Variants in TWSG1 observed in about 807,000 individuals in gnomAD.
TWSG1 encodes twisted gastrulation BMP signaling modulator 1.
In TWSG1, 15 loss-of-function variants were observed where a neutral mutation model predicts 23.0. The ratio of observed to expected loss-of-function variants is 0.65; its 90% CI spans 0.44 to 1.00. TWSG1 has a LOEUF of 1.00. Among genes scored for constraint, TWSG1 ranks in the 50% least tolerant of loss-of-function variants. TWSG1 has a pLI of 0.00. For missense variants in TWSG1, 242 were observed against 278.7 expected (o/e 0.87, Z 0.94); for synonymous variants, 86 against 92.8 (o/e 0.93, Z 0.42).
intron 3 of TWSG1, among the ~76,000 whole-genome samples, chr18:9,378,260 G>C (rs1477668123): frequency 6.6e-6 from 1 of 152,114 alleles, no homozygotes; most frequent in African/African-American, 2.4e-5. Flanking sequence ...GGAAGTCCTG[G>C]CCAGAGCAAT....
chr18:9,397,405 T>G (rs979412081), intron 4 of TWSG1, among the ~76,000 whole-genome samples: 3 of 152,228 alleles, frequency 2.0e-5, no homozygotes, highest in Non-Finnish European at 4.4e-5. Flanking sequence ...TCTCTGCAAA[T>G]GGGTGCTGTT....
rs1247762592 is a variant in TWSG1, at chr18:9,401,230, A to C, written c.*1703A>C. ...TTTTACCTAGAATGCCTCATTTAAA[A>C]GTGCCTTGAAAACATTTAGCTCCCC... On this transcript the variant is annotated 3_prime_UTR_variant, in exon 5 of 5. Transcript: ENST00000262120. 1 of 152,162 alleles carries C rather than the reference A, an allele frequency of 6.6e-6. No individual in the cohort carries two copies. The highest frequency in any genetic ancestry group is 1.5e-5 in the Non-Finnish European group (1 of 68,046). The allele number at this position is 152,162 out of a possible 1,614,324, so 9.4% of individuals were successfully genotyped here.
chr18:9,397,722 C>T (rs927440652), intron 4 of TWSG1, among the ~76,000 whole-genome samples: 1 of 152,034 alleles, frequency 6.6e-6, no homozygotes. Flanking sequence ...TAAAACAGTG[C>T]GGGCTGGGTG....
intron 3 of TWSG1, among the ~76,000 whole-genome samples, chr18:9,391,208 A>G (rs780604001): frequency 6.6e-6 from 1 of 152,246 alleles, no homozygotes; most frequent in Admixed American, 6.5e-5. Context: ...TTCAAGTTTT[A>G]TAATGAGATT....
chr18:9,337,061 A>G (rs2040426452), intron 1 of TWSG1, 132 bp from the exon 2 acceptor site: 2 of 749,378 alleles, frequency 2.7e-6, no homozygotes, highest in African/African-American at 3.5e-5. Flanking sequence ...GCAACAGAGC[A>G]AGACTCTAAA....
intron 2 of TWSG1, among the ~76,000 whole-genome samples, chr18:9,342,195 T>C (rs1357393371): frequency 6.6e-6 from 1 of 152,230 alleles, no homozygotes; most frequent in Non-Finnish European, 1.5e-5. Context: ...TGGATCCAGT[T>C]CTGCCACTTA....
chr18:9,396,519 G>A lies in TWSG1; in HGVS notation c.463G>A (p.Val155Ile). ...GAATGTGTCTGTCCCCAGCAATAATGTTCACGCGCCTTATTCCAGTGACAA... is the reference window on the plus strand; with the variant it reads ...GAATGTGTCTGTCCCCAGCAATAATATTCACGCGCCTTATTCCAGTGACAA... ...HQNVSVPSNN[V>I]HAPYSSDKEH... Residue 155 changes from valine to isoleucine, a missense_variant, in exon 4 of 5, where the codon GTT becomes ATT. Val to Ile is a conservative substitution (Grantham distance 29). Transcript: ENST00000262120. 1 of 1,613,294 alleles carries A rather than the reference G, an allele frequency of 6.2e-7. No individual in the cohort carries two copies. The highest frequency in any genetic ancestry group is 1.1e-5 in the South Asian group (1 of 91,078).
chr18:9,379,137 A>G (rs1416909481), intron 3 of TWSG1, among the ~76,000 whole-genome samples: 1 of 152,220 alleles, frequency 6.6e-6, no homozygotes, highest in East Asian at 1.9e-4. Flanking sequence ...AACTAAAAAT[A>G]GAACTACCAT....
At chr18:9,363,685 G>C (rs1036148127) in intron 3 of TWSG1, among the ~76,000 whole-genome samples, 1 of 152,070 alleles carries the variant, frequency 6.6e-6, no homozygotes, top group Non-Finnish European at 1.5e-5. Context: ...GAGTGCACTG[G>C]TGCAGTCTTG....
chr18:9,357,797 T>G (rs1047592336), intron 2 of TWSG1, among the ~76,000 whole-genome samples: 1 of 151,468 alleles, frequency 6.6e-6, no homozygotes, highest in African/African-American at 2.4e-5. Context: ...GATTCTCTCC[T>G]TCTTGGCTAG....
intron 3 of TWSG1, among the ~76,000 whole-genome samples, chr18:9,361,228 C>T (rs139488863): frequency 6.6e-6 from 1 of 151,928 alleles, no homozygotes; most frequent in African/African-American, 2.4e-5. Flanking sequence ...TTTTAATTTC[C>T]AAGAGCCCTT....
rs544295895 is a variant in TWSG1 at position 9,351,999 on chromosome 18, T to C, written c.124-7973T>C. On this transcript the variant is annotated intron_variant, in intron 2 of 4. Coordinates refer to ENST00000262120, the MANE Select transcript of TWSG1 (RefSeq NM_020648.6). The stretch of plus-strand genomic sequence containing the variant: ...ATGATTTTTGACAAACATGTACTCA[T>C]GTAACTACTACTACAATCAAGATAG... Among the ~76,000 whole-genome samples, 17 of 152,298 alleles carry C rather than the reference T, an allele frequency of 1.1e-4. No homozygotes were observed. In the South Asian group the frequency reaches 3.3e-3, roughly 30 times the overall value.
intron 3 of TWSG1, among the ~76,000 whole-genome samples, chr18:9,369,672 A>C (rs892418870): frequency 6.6e-6 from 1 of 151,978 alleles, no homozygotes; most frequent in African/African-American, 2.4e-5. Flanking sequence ...CTCAGGCTGG[A>C]GTGTGCACAC....
intron 2 of TWSG1, among the ~76,000 whole-genome samples, chr18:9,341,335 G>A (rs1295886864): frequency 6.6e-6 from 1 of 152,170 alleles, no homozygotes; most frequent in African/African-American, 2.4e-5. Context: ...CAACTAGTAT[G>A]TGTCAAATGT....
chr18:9,367,711 C>T (rs2040586637), intron 3 of TWSG1, among the ~76,000 whole-genome samples: 1 of 152,176 alleles, frequency 6.6e-6, no homozygotes, highest in African/African-American at 2.4e-5. Context: ...TTGCATGCTC[C>T]TTATGAGAAT....
chr18:9,356,017 T>C (rs1322324354), intron 2 of TWSG1, among the ~76,000 whole-genome samples: 3 of 152,236 alleles, frequency 2.0e-5, no homozygotes, highest in African/African-American at 4.8e-5. Flanking sequence ...AAGAAAAATA[T>C]TAGCCAGGAT....
chr18:9,390,460 CTTCT>C (rs1006991756), intron 3 of TWSG1, among the ~76,000 whole-genome samples: 33 of 152,154 alleles, frequency 2.2e-4, no homozygotes, highest in African/African-American at 7.0e-4. Context: ...TGCGCCCAGC[CTTCT>C]TTCTTCTTTT....
intron 2 of TWSG1, among the ~76,000 whole-genome samples, chr18:9,348,076 G>C (rs2040485545): frequency 1.3e-5 from 2 of 152,308 alleles, no homozygotes; most frequent in South Asian, 4.1e-4. Context: ...ATTTAGATAG[G>C]ACTTACAGAC....
chr18:9,342,255 T>A (rs1439714428), intron 2 of TWSG1, among the ~76,000 whole-genome samples: 1 of 152,212 alleles, frequency 6.6e-6, no homozygotes, highest in Non-Finnish European at 1.5e-5. Context: ...TGCCTCAATT[T>A]CCTCATCTGT....
Sources: allele counts gnomAD v4.1 joint callset (sites outside exome capture counted in the v4.1 genomes callset), GRCh38; gene constraint gnomAD v4.1.1; transcripts MANE v1.5; gene names NCBI Gene and HGNC (gene_info 2026-07-23, HGNC 2026-07-21).